DDX47: variants seen among roughly 807,000 people sequenced by gnomAD.
DDX47 encodes the protein DEAD-box helicase 47, also known as probable ATP-dependent RNA helicase DDX47.
Under a neutral mutation model 58.8 loss-of-function variants are expected in DDX47, and 60 were observed. That is an observed-to-expected ratio of 1.02 (90% CI 0.83 to 1.26). The LOEUF is 1.26. Ranked by LOEUF, DDX47 falls within the 50% of genes most tolerant of loss-of-function variation. The pLI is 0.00. For missense variants in DDX47, 530 were observed against 573.2 expected (o/e 0.92, Z 0.77); for synonymous variants, 197 against 204.6 (o/e 0.96, Z 0.32).
intron 2 of DDX47, among the ~76,000 whole-genome samples, chr12:12,816,873 T>A (rs930792250): frequency 1.3e-5 from 2 of 152,108 alleles, no homozygotes; most frequent in African/African-American, 4.8e-5. Context: ...TGCCCTACAG[T>A]GTAGGTGAGA....
chr12:12,825,589 C>T (rs1863040274), intron 9 of DDX47, among the ~76,000 whole-genome samples: 1 of 152,140 alleles, frequency 6.6e-6, no homozygotes, highest in Non-Finnish European at 1.5e-5. Flanking sequence ...GTAATATGGG[C>T]ATGTATTTCT....
intron 2 of DDX47, chr12:12,814,482 A>G (rs1258348681): frequency 4.4e-5 from 17 of 387,786 alleles, no homozygotes; most frequent in Middle Eastern, 7.8e-4. Context: ...TATATTAACG[A>G]CAATCTTGGT....
At chr12:12,814,896 C>T (rs555032345) in intron 2 of DDX47, among the ~76,000 whole-genome samples, 93 of 152,202 alleles carry the variant, frequency 6.1e-4, no homozygotes, top group African/African-American at 1.9e-3. Context: ...AGGCTGGTCT[C>T]GAACTCCTGA....
chr12:12,823,057 A>G, intron 6 of DDX47, 146 bp from the exon 7 acceptor site: 2 of 667,734 alleles, frequency 3.0e-6, no homozygotes, highest in African/African-American at 1.8e-5. Flanking sequence ...CACCTCTGTG[A>G]TCCAATAACC....
rs528402003 is a variant in DDX47, at chr12:12,821,918, T to G, written c.443-47T>G. On this transcript the variant is annotated intron_variant, in intron 4 of 11. Coordinates refer to ENST00000358007, the MANE Select transcript of DDX47 (RefSeq NM_016355.4). Reference sequence around the variant, plus strand: ...TTGTTTATTTGTTTTGTTTTTTTTTTGTCCTGTTCTGAAATGTCACTGTTT... The same window carrying G: ...TTGTTTATTTGTTTTGTTTTTTTTTGGTCCTGTTCTGAAATGTCACTGTTT... 1.5e-5 allele frequency: 20 copies of G among 1,329,102 alleles called. No individual in the cohort carries two copies. In the South Asian group the frequency reaches 2.0e-4, roughly 13 times the overall value. 82.3% of individuals were successfully genotyped at this position (1,329,102 alleles called of 1,614,324 possible). A position where few individuals can be genotyped will look rare whatever the true frequency, so the allele number is the denominator to read the frequency against.
chr12:12,818,743 G>A (rs1022742379), intron 2 of DDX47, among the ~76,000 whole-genome samples: 7 of 152,236 alleles, frequency 4.6e-5, no homozygotes, highest in African/African-American at 1.7e-4. Context: ...GTGTGGCTGT[G>A]GAGGCCCCAG....
intron 7 of DDX47, chr12:12,823,521 A>G (rs1394698914): frequency 8.6e-6 from 5 of 582,602 alleles, no homozygotes; most frequent in Non-Finnish European, 1.5e-5. Context: ...CACAATACTG[A>G]GGTCATGATG....
chr12:12,822,084 G>A lies in DDX47; in HGVS notation c.561+1G>A, dbSNP rs1862983116. 1.0e-5 allele frequency: 16 copies of A among 1,603,160 alleles called. No individual in the cohort carries two copies. Among genetic ancestry groups the A allele is most frequent in the Non-Finnish European group, 1.3e-5 (15 of 1,170,800 alleles). On this transcript the variant is annotated splice_donor_variant, in intron 5 of 11. Transcript: ENST00000358007. LOFTEE classifies it high-confidence loss of function. Reference sequence around the variant, plus strand: ...ACTGAATATGGATTTTGAGACAGAGGTGAGCTCTCAATTTCTTTCCTCCTC... The same window carrying A: ...ACTGAATATGGATTTTGAGACAGAGATGAGCTCTCAATTTCTTTCCTCCTC...
In DDX47 at chr12:12,816,342, G is replaced by A. The variant is rs929580753; in HGVS notation, c.181+2118G>A. Among the ~76,000 whole-genome samples, 3 of 152,122 alleles carry A rather than the reference G, an allele frequency of 2.0e-5. No individual in the cohort carries two copies. In the East Asian group the frequency reaches 5.8e-4, roughly 29 times the overall value. On this transcript the variant is annotated intron_variant, in intron 2 of 11. Coordinates refer to ENST00000358007, the MANE Select transcript of DDX47 (RefSeq NM_016355.4). ...GTATTTGAAAATTGCTAGGAGAGTG[G>A]ATCTTAAATGGTCTCCCCACAAAAA...
rs779886782 is a variant in DDX47 at position 12,824,591 on chromosome 12, C to A, written c.949C>A (p.Leu317Ile). Residue 317 changes from leucine to isoleucine, a missense_variant, in exon 9 of 12, where the codon CTT (leucine) becomes ATT (isoleucine). Physicochemically the swap from Leu to Ile is conservative, Grantham distance 5. Coordinates refer to ENST00000358007, the MANE Select transcript of DDX47 (RefSeq NM_016355.4). ...NKFKAKARSI[L>I]LATDVASRGL... ...GTTTAAGGCCAAGGCCCGTTCCATT[C>A]TTCTAGCAACTGACGTTGCCAGCCG... 1.5e-5 allele frequency: 25 copies of A among 1,614,050 alleles called. No homozygotes were observed. The highest frequency in any genetic ancestry group is 1.9e-5 in the Non-Finnish European group (23 of 1,180,014).
chr12:12,813,616 G>C (rs1862848563), intron 1 of DDX47, 162 bp downstream of exon 1: 1 of 690,366 alleles, frequency 1.4e-6, no homozygotes, highest in African/African-American at 1.8e-5. Context: ...CGTGCTCTGA[G>C]TTTGGGTGGT....
intron 2 of DDX47, among the ~76,000 whole-genome samples, chr12:12,819,538 T>C (rs1222513340): frequency 6.6e-6 from 1 of 152,164 alleles, no homozygotes; most frequent in Non-Finnish European, 1.5e-5. Context: ...CCCACTTTTT[T>C]CCTGAGCTCC....
At chr12:12,820,259 C>A (rs143196495) in intron 2 of DDX47, 1 of 152,218 alleles carries the variant, frequency 6.6e-6, no homozygotes, top group South Asian at 2.1e-4. Flanking sequence ...AGCATTCTTC[C>A]CTCAGAAGGA....
Position 12,814,209 on chromosome 12 carries a change from C to T in DDX47, c.166C>T (p.Pro56Ser). The change falls in exon 2 of 12, where the codon CCT becomes TCT. Residue 56 changes from proline (P) to serine (S), a missense_variant. Pro to Ser is a moderately conservative substitution (Grantham distance 74, BLOSUM62 -1). Transcript: ENST00000358007. ...KPTKIQIEAI[P>S]LALQGRDIIG... The stretch of plus-strand genomic sequence containing the variant: ...CACCAAGATCCAGATTGAAGCTATT[C>T]CTTTGGCCTTACAAGGTAGGTTGTA... The T allele has an allele frequency of 9.9e-6, 16 of 1,609,974 alleles. No homozygotes were observed. The highest frequency in any genetic ancestry group is 1.4e-5 in the Non-Finnish European group (16 of 1,176,276).
intron 2 of DDX47, among the ~76,000 whole-genome samples, chr12:12,818,961 A>T (rs552038827): frequency 6.6e-6 from 1 of 152,230 alleles, no homozygotes; most frequent in East Asian, 1.9e-4. Context: ...TGGGAGTACG[A>T]CTCAAGATGA....
At chr12:12,820,928 C>A in intron 2 of DDX47, 1 of 433,860 alleles carries the variant, frequency 2.3e-6, no homozygotes, top group Non-Finnish European at 4.2e-6. Flanking sequence ...CTCTTCTGGG[C>A]AGTAGTTACT....
chr12:12,826,210 G>A, intron 10 of DDX47, 140 bp downstream of exon 10: 1 of 592,458 alleles, frequency 1.7e-6, no homozygotes, highest in Admixed American at 3.5e-5. Context: ...TGAAAGATGG[G>A]AATAATAATA....
intron 10 of DDX47, 192 bp downstream of exon 10, chr12:12,826,262 G>A (rs965150015): frequency 4.2e-6 from 2 of 473,772 alleles, no homozygotes; most frequent in East Asian, 3.4e-5. Context: ...GATTATATAT[G>A]TAAAAGATCT....
chr12:12,817,290 A>G (rs1390863610), intron 2 of DDX47, among the ~76,000 whole-genome samples: 1 of 152,242 alleles, frequency 6.6e-6, no homozygotes, highest in East Asian at 1.9e-4. Flanking sequence ...ATTGAGACTC[A>G]GGGAGTTAAG....
Sources: allele counts gnomAD v4.1 joint callset (sites outside exome capture counted in the v4.1 genomes callset), GRCh38; gene constraint gnomAD v4.1.1; transcripts MANE v1.5; gene names NCBI Gene and HGNC (gene_info 2026-07-23, HGNC 2026-07-21).